The following SPIDR variants were observed in gnomAD, a reference collection of about 807,000 sequenced individuals.
SPIDR encodes DNA repair-scaffolding protein.
In SPIDR, 93 loss-of-function variants were observed where a neutral mutation model predicts 104.6. The ratio of observed to expected loss-of-function variants is 0.89; its 90% CI spans 0.75 to 1.06. The LOEUF (loss-of-function observed/expected upper bound fraction) is 1.06, where lower values mean the gene tolerates loss of function less well. Among genes scored for constraint, SPIDR ranks in the 50% least tolerant of loss-of-function variants. The pLI is 0.00. For synonymous variants in SPIDR, 431 were observed against 416.9 expected (o/e 1.03, Z -0.41); for missense variants, 1,154 against 1,111.2 (o/e 1.04, Z -0.55).
chr8:47,364,435 CA>C (rs1554632990), intron 5 of SPIDR, among the ~76,000 whole-genome samples: 1 of 152,128 alleles, frequency 6.6e-6, no homozygotes, highest in Non-Finnish European at 1.5e-5. Context: ...GCTCTTGTTC[CA>C]AGAAGTGTTT....
chr8:47,634,366 G>T (rs1331698243), intron 10 of SPIDR, among the ~76,000 whole-genome samples: 1 of 152,100 alleles, frequency 6.6e-6, no homozygotes, highest in Non-Finnish European at 1.5e-5. Flanking sequence ...GCAGAGAATT[G>T]CTTGAACCCG....
chr8:47,443,586 A>G (rs1278713950), intron 8 of SPIDR, among the ~76,000 whole-genome samples: 2 of 151,200 alleles, frequency 1.3e-5, no homozygotes, highest in African/African-American at 2.4e-5. Context: ...AAAAAAAAAA[A>G]AAAAACACCT....
At chr8:47,344,616 C>A (rs1337294238) in intron 5 of SPIDR, among the ~76,000 whole-genome samples, 1 of 152,202 alleles carries the variant, frequency 6.6e-6, no homozygotes, top group Admixed American at 6.5e-5. Flanking sequence ...CTCTCCACAT[C>A]CTCTCCAGCA....
chr8:47,647,381 G>C (rs2082558382), intron 10 of SPIDR, among the ~76,000 whole-genome samples: 1 of 152,138 alleles, frequency 6.6e-6, no homozygotes, highest in South Asian at 2.1e-4. Context: ...TTGGGAGGCC[G>C]AGGTGGGTGG....
chr8:47,687,380 A>G (rs2077959655), intron 11 of SPIDR, among the ~76,000 whole-genome samples: 1 of 152,188 alleles, frequency 6.6e-6, no homozygotes, highest in Non-Finnish European at 1.5e-5. Flanking sequence ...AAACAAAAAG[A>G]TATGGTTTGC....
At chr8:47,643,281 C>A (rs2069531114) in intron 10 of SPIDR, among the ~76,000 whole-genome samples, 1 of 152,102 alleles carries the variant, frequency 6.6e-6, no homozygotes, top group Admixed American at 6.6e-5. Context: ...TAACTCTTTA[C>A]CTTCTAGTCT....
chr8:47,289,448 T>C (rs1240199740), intron 3 of SPIDR, among the ~76,000 whole-genome samples: 1 of 152,352 alleles, frequency 6.6e-6, no homozygotes, highest in South Asian at 2.1e-4. Context: ...TTTACAATTA[T>C]GAATATAAAC....
intron 16 of SPIDR, among the ~76,000 whole-genome samples, chr8:47,718,805 T>C (rs922977422): frequency 6.6e-6 from 1 of 152,154 alleles, no homozygotes; most frequent in Admixed American, 6.5e-5. Context: ...GGGGTACATG[T>C]GCAGGACGTG....
intron 8 of SPIDR, among the ~76,000 whole-genome samples, chr8:47,466,888 A>G (rs1382906936): frequency 2.1e-4 from 6 of 29,006 alleles, no homozygotes; most frequent in Admixed American, 5.6e-4. Flanking sequence ...GTTTTTTTTG[A>G]AAAAAAAAAA....
chr8:47,437,187 G>C (rs2068491902), intron 7 of SPIDR, among the ~76,000 whole-genome samples: 1 of 151,606 alleles, frequency 6.6e-6, no homozygotes. Context: ...CTGGTGCGCT[G>C]CACCCGCTAA....
intron 5 of SPIDR, among the ~76,000 whole-genome samples, chr8:47,343,480 C>A (rs782697698): frequency 6.6e-6 from 1 of 152,144 alleles, no homozygotes; most frequent in African/African-American, 2.4e-5. Context: ...ACAGAACTTA[C>A]GGGAAGCTGC....
intron 7 of SPIDR, among the ~76,000 whole-genome samples, chr8:47,410,929 G>C (rs997207584): frequency 3.3e-5 from 5 of 152,084 alleles, no homozygotes; most frequent in Non-Finnish European, 7.3e-5. Context: ...TTGTCCTTGC[G>C]ATAGTTTGCT....
At chr8:47,280,107 C>T in intron 2 of SPIDR, 90 bp downstream of exon 2, 1 of 1,292,334 alleles carries the variant, frequency 7.7e-7, no homozygotes, top group Non-Finnish European at 1.1e-6. Flanking sequence ...TTGTAATTCC[C>T]TTTCTTATTC....
chr8:47,476,368 A>C (rs2076296418), intron 8 of SPIDR, among the ~76,000 whole-genome samples: 1 of 152,156 alleles, frequency 6.6e-6, no homozygotes, highest in Non-Finnish European at 1.5e-5. Context: ...GTGACACAGC[A>C]TTTACAGCTA....
At chr8:47,303,014 G>A (rs937330357) in intron 5 of SPIDR, among the ~76,000 whole-genome samples, 8 of 152,296 alleles carry the variant, frequency 5.3e-5, no homozygotes, top group African/African-American at 1.4e-4. Flanking sequence ...TTTCTGCTGC[G>A]TTTTGTTTGG....
At chr8:47,367,422 C>T (rs1303453590) in intron 5 of SPIDR, among the ~76,000 whole-genome samples, 1 of 152,122 alleles carries the variant, frequency 6.6e-6, no homozygotes, top group Non-Finnish European at 1.5e-5. Context: ...AGCAGGGGAC[C>T]CAGTTAAAAC....
At chr8:47,340,532 G>A (rs2154274957) in intron 5 of SPIDR, among the ~76,000 whole-genome samples, 1 of 152,278 alleles carries the variant, frequency 6.6e-6, no homozygotes, top group South Asian at 2.1e-4. Context: ...AACCCAGGAG[G>A]CGAAGGTTGC....
chr8:47,640,977 C>T (rs1197287663), intron 10 of SPIDR, among the ~76,000 whole-genome samples: 3 of 147,894 alleles, frequency 2.0e-5, no homozygotes, highest in Non-Finnish European at 1.5e-5. Flanking sequence ...CCTCCCAAAG[C>T]GCTAGGATTA....
chr8:47,550,215 G>C (rs2154396737), intron 8 of SPIDR, among the ~76,000 whole-genome samples: 1 of 152,248 alleles, frequency 6.6e-6, no homozygotes, highest in South Asian at 2.1e-4. Context: ...CTCCAGCTTT[G>C]GTGATTTTGC....
Sources: gnomAD v4.1 joint callset for allele counts (sites outside exome capture counted in the v4.1 genomes callset) on GRCh38, gnomAD v4.1.1 for gene constraint, MANE v1.5 for transcripts, NCBI Gene and HGNC (gene_info 2026-07-23, HGNC 2026-07-21) for gene names.